The following INSC variants were observed in gnomAD, a reference collection of about 807,000 sequenced individuals.
INSC encodes protein inscuteable homolog.
A neutral mutation model predicts 58.6 loss-of-function variants in INSC; 67 were observed. The observed-to-expected ratio is 1.14, with a 90% CI of 0.94 to 1.40. The LOEUF (loss-of-function observed/expected upper bound fraction) is 1.40, where lower values mean the gene tolerates loss of function less well. INSC is among the 40% of genes most tolerant of loss of function. The pLI is 0.00. For missense variants in INSC, 714 were observed against 692.0 expected (o/e 1.03, Z -0.36); for synonymous variants, 262 against 276.1 (o/e 0.95, Z 0.51).
intron 7 of INSC, among the ~76,000 whole-genome samples, chr11:15,218,376 A>C (rs1851302943): frequency 6.6e-6 from 1 of 152,202 alleles, no homozygotes; most frequent in Non-Finnish European, 1.5e-5. Flanking sequence ...CAAGGGAATA[A>C]TATGCATAAA....
chr11:15,219,918 C>T (rs1328179536), intron 7 of INSC, among the ~76,000 whole-genome samples: 1 of 152,160 alleles, frequency 6.6e-6, no homozygotes, highest in East Asian at 1.9e-4. Flanking sequence ...TCTCTGAAGG[C>T]CTGTTAGTTA....
At chr11:15,196,404 C>G (rs532040376) in intron 6 of INSC, among the ~76,000 whole-genome samples, 15 of 152,336 alleles carry the variant, frequency 9.8e-5, no homozygotes, top group African/African-American at 3.4e-4. Flanking sequence ...TTGTCCAGCT[C>G]TGGAGTAGGT....
At chr11:15,141,553 G>C (rs1403261410) in intron 1 of INSC, among the ~76,000 whole-genome samples, 2 of 152,174 alleles carry the variant, frequency 1.3e-5, no homozygotes, top group East Asian at 3.8e-4. Context: ...CAGGGAGCTA[G>C]AGCTGTCTAT....
At chr11:15,192,692 C>A (rs886724042) in intron 6 of INSC, among the ~76,000 whole-genome samples, 12 of 152,166 alleles carry the variant, frequency 7.9e-5, no homozygotes, top group Non-Finnish European at 1.6e-4. Context: ...TTCTGAAGGG[C>A]TGTTGAGTAT....
At chr11:15,215,598 T>G (rs1851185331) in intron 7 of INSC, among the ~76,000 whole-genome samples, 1 of 152,232 alleles carries the variant, frequency 6.6e-6, no homozygotes, top group African/African-American at 2.4e-5. Flanking sequence ...TCCCTGGGCC[T>G]CCATTTCCTC....
At chr11:15,126,072 A>G (rs60767768) in intron 1 of INSC, among the ~76,000 whole-genome samples, 4,327 of 152,316 alleles carry the variant, frequency 0.028, 177 homozygotes, top group African/African-American at 0.093. Context: ...AAGTACAAGC[A>G]CCAGGCTAAG....
At chr11:15,112,652 G>GC (rs1219060014), upstream of INSC, 14 of 436,536 alleles carry the variant, frequency 3.2e-5, 3 homozygotes, top group Admixed American at 2.8e-4. Flanking sequence ...GGAAGTGGGG[G>GC]GGGGGCATTT....
At chr11:15,169,880 C>T (rs907769498) in intron 2 of INSC, among the ~76,000 whole-genome samples, 2 of 152,170 alleles carry the variant, frequency 1.3e-5, no homozygotes, top group Non-Finnish European at 2.9e-5. Flanking sequence ...ACATTTGTCA[C>T]AACTAAGGGA....
intron 10 of INSC, 46 bp from the exon 11 acceptor site, chr11:15,238,873 G>A (rs371149493): frequency 1.3e-6 from 2 of 1,585,982 alleles, no homozygotes; most frequent in Non-Finnish European, 1.7e-6. Context: ...CATGGGGAAG[G>A]CTCCATGCTG....
chr11:15,248,466 AG>A (rs561567087), downstream of INSC, among the ~76,000 whole-genome samples: 47 of 152,346 alleles, frequency 3.1e-4, no homozygotes, highest in East Asian at 8.7e-3. Context: ...AATGTGTCTT[AG>A]GACTCCCCAG....
At chr11:15,137,994 A>G (rs1348849894) in intron 1 of INSC, among the ~76,000 whole-genome samples, 2 of 152,172 alleles carry the variant, frequency 1.3e-5, no homozygotes, top group East Asian at 3.9e-4. Flanking sequence ...CTTTCACTTG[A>G]ACATTTAGAG....
chr11:15,114,711 C>G (rs893013642), upstream of INSC, among the ~76,000 whole-genome samples: 2 of 151,992 alleles, frequency 1.3e-5, no homozygotes, highest in Non-Finnish European at 2.9e-5. Flanking sequence ...GGCCATGTTT[C>G]CCCCCCCAGG....
the INSC span, among the ~76,000 whole-genome samples, chr11:15,258,846 G>T: frequency 1.3e-5 from 2 of 152,134 alleles, no homozygotes; most frequent in Admixed American, 1.3e-4. Flanking sequence ...ACAGAATGAG[G>T]CAGGACATCT....
intron 2 of INSC, among the ~76,000 whole-genome samples, chr11:15,152,535 C>T (rs1848688095): frequency 6.6e-6 from 1 of 152,152 alleles, no homozygotes; most frequent in South Asian, 2.1e-4. Flanking sequence ...TCATTATATG[C>T]ATTTTCCTTG....
At position 15,217,900 on chromosome 11, in the gene INSC, A is replaced by G. The variant is rs549765962; in HGVS notation, c.820-3577A>G. On this transcript the variant is annotated intron_variant, in intron 7 of 12. Coordinates refer to ENST00000379556, the MANE Select transcript of INSC (RefSeq NM_001042536.3). The stretch of plus-strand genomic sequence containing the variant: ...CTGCCAATAGCAAGTATTGGCAAGA[A>G]TCTGGTTTTTAGTGTGATTATGTAT... Among the ~76,000 whole-genome samples, 14 of 152,344 alleles carry G rather than the reference A, an allele frequency of 9.2e-5. No individual in the cohort carries two copies. The East Asian group carries it at 2.7e-3, about 29-fold the overall frequency.
the INSC span, among the ~76,000 whole-genome samples, chr11:15,264,758 GCTTAATTACATCTACTAGTAGC>G: frequency 1.3e-5 from 2 of 151,764 alleles, no homozygotes; most frequent in Non-Finnish European, 2.9e-5. Context: ...AGGTCAGTAG[GCTTAATTACATCTACTAGTAGC>G]CTTAATTACA....
At chr11:15,148,161 G>A (rs1054697317) in intron 1 of INSC, among the ~76,000 whole-genome samples, 1 of 152,192 alleles carries the variant, frequency 6.6e-6, no homozygotes, top group African/African-American at 2.4e-5. Context: ...GCTGGGATTG[G>A]GAGTCCCTGG....
chr11:15,135,188 T>C (rs1848215188), intron 1 of INSC, among the ~76,000 whole-genome samples: 1 of 152,130 alleles, frequency 6.6e-6, no homozygotes, highest in Non-Finnish European at 1.5e-5. Flanking sequence ...TGCAAGATGT[T>C]TTTGGAGCAT....
At chr11:15,144,637 T>C (rs1848450302) in intron 1 of INSC, among the ~76,000 whole-genome samples, 1 of 152,204 alleles carries the variant, frequency 6.6e-6, no homozygotes, top group Non-Finnish European at 1.5e-5. Flanking sequence ...CCTAATGGGA[T>C]TGCAGATTAA....
Sources: gnomAD v4.1 joint callset for allele counts (sites outside exome capture counted in the v4.1 genomes callset) on GRCh38, gnomAD v4.1.1 for gene constraint, MANE v1.5 for transcripts, NCBI Gene and HGNC (gene_info 2026-07-23, HGNC 2026-07-21) for gene names.